NRG1: variants seen among roughly 807,000 people sequenced by gnomAD.
The protein encoded by NRG1 is pro-neuregulin-1, membrane-bound isoform.
In NRG1, 18 loss-of-function variants were observed where a neutral mutation model predicts 63.8. The ratio of observed to expected loss-of-function variants is 0.28; its 90% CI spans 0.19 to 0.42. The LOEUF (loss-of-function observed/expected upper bound fraction) is 0.42. NRG1 is among the 10% of genes least tolerant of loss of function. The pLI, the probability that NRG1 is intolerant of heterozygous loss-of-function variation, is 1.00. For missense variants in NRG1, 762 were observed against 814.7 expected (o/e 0.94, Z 0.79); for synonymous variants, 302 against 301.3 (o/e 1.00, Z -0.02).
intron 1 of NRG1, among the ~76,000 whole-genome samples, chr8:31,814,861 G>C (rs1355206971): frequency 6.6e-6 from 1 of 151,800 alleles, no homozygotes; most frequent in Non-Finnish European, 1.5e-5. Context: ...CTCTTGTTCT[G>C]CTCCCATACA....
intron 1 of NRG1, among the ~76,000 whole-genome samples, chr8:32,329,562 G>A (rs569910436): frequency 1.3e-5 from 2 of 152,244 alleles, no homozygotes; most frequent in South Asian, 2.1e-4. Flanking sequence ...GCTGTAAAAG[G>A]CCGAGTCTAA....
At chr8:32,586,476 C>T (rs4521724) in intron 1 of NRG1, among the ~76,000 whole-genome samples, 39,003 of 151,884 alleles carry the variant, frequency 0.26, 5,126 homozygotes, top group South Asian at 0.33. Flanking sequence ...GTAAATTTCT[C>T]ACAGACAAAT....
chr8:32,280,460 A>G (rs1409994140), intron 1 of NRG1, among the ~76,000 whole-genome samples: 2 of 152,214 alleles, frequency 1.3e-5, no homozygotes, highest in African/African-American at 2.4e-5. Flanking sequence ...GCTAAGTGAA[A>G]TAAGCCACAC....
chr8:31,660,760 T>C (rs1352025459), intron 1 of NRG1, among the ~76,000 whole-genome samples: 2 of 152,258 alleles, frequency 1.3e-5, no homozygotes, highest in African/African-American at 4.8e-5. Context: ...AATTATACTC[T>C]GGCTTAAATT....
intron 1 of NRG1, among the ~76,000 whole-genome samples, chr8:31,794,267 A>G (rs888057468): frequency 2.0e-5 from 3 of 152,110 alleles, no homozygotes; most frequent in African/African-American, 7.2e-5. Flanking sequence ...GAGATTATGG[A>G]CAGGGATAGA....
chr8:32,352,545 C>T (rs530289405), intron 1 of NRG1, among the ~76,000 whole-genome samples: 3 of 152,122 alleles, frequency 2.0e-5, no homozygotes, highest in Admixed American at 6.5e-5. Flanking sequence ...AAATATTGAA[C>T]AAATGAAGAA....
intron 1 of NRG1, among the ~76,000 whole-genome samples, chr8:31,689,081 CT>C (rs1229311630): frequency 6.6e-5 from 10 of 152,198 alleles, no homozygotes; most frequent in African/African-American, 2.4e-4. Flanking sequence ...TCTCTTCCGC[CT>C]CCATCTTCCA....
At chr8:32,273,365 GA>G (rs1289919531) in intron 1 of NRG1, among the ~76,000 whole-genome samples, 3 of 151,940 alleles carry the variant, frequency 2.0e-5, no homozygotes, top group Middle Eastern at 3.4e-3. Flanking sequence ...AATCAAAAAG[GA>G]AAAAAATGTC....
At chr8:31,877,791 G>C (rs1394926402) in intron 1 of NRG1, among the ~76,000 whole-genome samples, 1 of 152,078 alleles carries the variant, frequency 6.6e-6, no homozygotes, top group Non-Finnish European at 1.5e-5. Flanking sequence ...AAAAGGCAAG[G>C]TTGCTGGGTG....
chr8:32,293,328 G>C (rs1323688542), intron 1 of NRG1, among the ~76,000 whole-genome samples: 2 of 152,056 alleles, frequency 1.3e-5, no homozygotes, highest in South Asian at 2.1e-4. Context: ...CACAGGGAAG[G>C]CAATGCAAAA....
intron 1 of NRG1, among the ~76,000 whole-genome samples, chr8:31,790,939 G>A (rs992482027): frequency 6.6e-6 from 1 of 152,076 alleles, no homozygotes; most frequent in African/African-American, 2.4e-5. Context: ...GGCTGGATGA[G>A]GTGGCTCACA....
chr8:32,127,758 A>G (rs1216401601), intron 1 of NRG1, among the ~76,000 whole-genome samples: 3 of 151,734 alleles, frequency 2.0e-5, no homozygotes, highest in Non-Finnish European at 2.9e-5. Context: ...AGAGCTAACA[A>G]CATTATCAGT....
At position 32,634,319 on chromosome 8, in the gene NRG1, A is replaced by G. The variant is rs146941478; in HGVS notation, c.502+17434A>G. ...TTTCAAATACTGATTAAAACTCTTA[A>G]AAAAATGAAAGAGAGAAATCACATT... On this transcript the variant is annotated intron_variant, in intron 5 of 11. Coordinates refer to ENST00000356819, the Ensembl canonical transcript of NRG1. Among the ~76,000 whole-genome samples, 1,164 of 152,238 alleles carry G rather than the reference A, an allele frequency of 7.6e-3. 6 individuals carry two copies. The highest frequency in any genetic ancestry group is 0.024 in the Middle Eastern group (7 of 294).
At chr8:32,492,434 T>TTG (rs1587955289) in intron 1 of NRG1, among the ~76,000 whole-genome samples, 1 of 151,928 alleles carries the variant, frequency 6.6e-6, no homozygotes, top group African/African-American at 2.4e-5. Context: ...TTTTTTTTTT[T>TTG]TCTGTAGAAA....
chr8:32,653,635 A>C (rs954417210), intron 5 of NRG1, among the ~76,000 whole-genome samples: 2 of 152,236 alleles, frequency 1.3e-5, no homozygotes, highest in African/African-American at 4.8e-5. Flanking sequence ...TAGCATGTAC[A>C]TAAAGATTCT....
chr8:32,308,348 T>C (rs926845914), intron 1 of NRG1, among the ~76,000 whole-genome samples: 2 of 152,232 alleles, frequency 1.3e-5, no homozygotes, highest in African/African-American at 4.8e-5. Flanking sequence ...CTCTTTCATA[T>C]ATCTGAATTT....
intron 1 of NRG1, among the ~76,000 whole-genome samples, chr8:31,715,635 CATT>C (rs1812277123): frequency 6.6e-6 from 1 of 152,008 alleles, no homozygotes; most frequent in African/African-American, 2.4e-5. Context: ...TTTAAAAAAT[CATT>C]ATTATAACCA....
In NRG1 at chr8:32,274,262, T is replaced by C. The variant is rs1048870452; in HGVS notation, c.38-321566T>C. ...AACTCCAAAGCCTCCACAGCTGTTG[T>C]CTCTACTCTCCATTCAAAACAATGC... On this transcript the variant is annotated intron_variant, in intron 1 of 10. Transcript: ENST00000519301. Among the ~76,000 whole-genome samples the C allele has an allele frequency of 2.0e-4, 30 of 152,220 alleles. 1 individual carries two copies. The highest frequency in any genetic ancestry group is 2.9e-5 in the Non-Finnish European group (2 of 68,042).
At chr8:32,672,138 G>A (rs958957965) in intron 5 of NRG1, among the ~76,000 whole-genome samples, 16 of 151,732 alleles carry the variant, frequency 1.1e-4, no homozygotes, top group Admixed American at 5.3e-4. Flanking sequence ...TCCACCTCCC[G>A]GGTTCCAGCG....
Sources: gnomAD v4.1 joint callset for allele counts (sites outside exome capture counted in the v4.1 genomes callset) on GRCh38, gnomAD v4.1.1 for gene constraint, MANE v1.5 for transcripts, NCBI Gene and HGNC (gene_info 2026-07-23, HGNC 2026-07-21) for gene names.